Variants in NARS2 observed in about 807,000 individuals in gnomAD.
NARS2 encodes asparaginyl-tRNA synthetase.
A neutral mutation model predicts 62.9 loss-of-function variants in NARS2; 60 were observed. The ratio of observed to expected loss-of-function variants is 0.95; its 90% CI spans 0.77 to 1.18. NARS2 has a LOEUF of 1.18. Ranked by LOEUF, NARS2 falls within the 50% of genes most tolerant of loss-of-function variation. The pLI is 0.00. For synonymous variants in NARS2, 196 were observed against 200.0 expected, an observed-to-expected ratio of 0.98 and a Z score of 0.17; for missense variants, 619 against 576.4, an observed-to-expected ratio of 1.07 and a Z score of -0.76.
intron 9 of NARS2, among the ~76,000 whole-genome samples, chr11:78,473,252 T>C (rs1323218863): frequency 2.0e-5 from 3 of 152,240 alleles, no homozygotes; most frequent in African/African-American, 7.2e-5. Context: ...TCAACGTGCC[T>C]CTCCAGTTTT....
intron 10 of NARS2, among the ~76,000 whole-genome samples, chr11:78,466,612 C>G (rs1858634210): frequency 6.6e-6 from 1 of 152,060 alleles, no homozygotes; most frequent in South Asian, 2.1e-4. Context: ...TCCCAAGTAA[C>G]TGGGACTTCA....
At chr11:78,556,282 C>T (rs1017477156) in intron 5 of NARS2, among the ~76,000 whole-genome samples, 3 of 152,130 alleles carry the variant, frequency 2.0e-5, no homozygotes, top group Admixed American at 1.3e-4. Context: ...ACTGACCTAC[C>T]TCATTTTCCT....
intron 6 of NARS2, among the ~76,000 whole-genome samples, chr11:78,507,165 C>G (rs1026095661): frequency 7.6e-6 from 1 of 131,346 alleles, no homozygotes; most frequent in African/African-American, 2.8e-5. Context: ...CCCCACCCCC[C>G]ACCCTGCCCC....
At chr11:78,437,575 A>G (rs1054601801) in intron 13 of NARS2, among the ~76,000 whole-genome samples, 1 of 152,162 alleles carries the variant, frequency 6.6e-6, no homozygotes, top group Non-Finnish European at 1.5e-5. Context: ...AGATTCTAAC[A>G]CACCAGCACT....
intron 10 of NARS2, among the ~76,000 whole-genome samples, chr11:78,467,589 C>T (rs1380060225): frequency 6.6e-6 from 1 of 150,986 alleles, no homozygotes; most frequent in Non-Finnish European, 1.5e-5. Context: ...TAATTAAATA[C>T]AATAAAAAAT....
At position 78,443,691 on chromosome 11, in the gene NARS2, C is replaced by T. The variant is rs1288386526; in HGVS notation, c.1232G>A (p.Arg411Gln). Reference sequence around the variant, plus strand: ...TAAGCGCTCCTCTAAGAAATGGTATCGTTCTTCTCTGAGGCCTCCTCCAAA... The same window carrying T: ...TAAGCGCTCCTCTAAGAAATGGTATTGTTCTTCTCTGAGGCCTCCTCCAAA... ...ELFGGGLREE[R>Q]YHFLEERLAR... The change falls in exon 12 of 14, where the codon CGA (arginine) becomes CAA (glutamine). Residue 411 changes from arginine (R) to glutamine (Q), a missense_variant. Coordinates refer to ENST00000281038, the MANE Select transcript of NARS2 (RefSeq NM_024678.6). 11 of 1,613,218 alleles carry T rather than the reference C, an allele frequency of 6.8e-6. No individual in the cohort carries two copies. Among genetic ancestry groups the T allele is most frequent in the African/African-American group, 6.7e-5 (5 of 74,836 alleles).
chr11:78,541,068 AG>A (rs1353566262), intron 5 of NARS2, among the ~76,000 whole-genome samples: 1 of 152,144 alleles, frequency 6.6e-6, no homozygotes, highest in African/African-American at 2.4e-5. Context: ...CTCAGTCATG[AG>A]AATTGCTTGA....
intron 5 of NARS2, among the ~76,000 whole-genome samples, chr11:78,550,742 G>T (rs910425048): frequency 6.6e-6 from 1 of 152,142 alleles, no homozygotes; most frequent in African/African-American, 2.4e-5. Context: ...CTACCCAAGA[G>T]AAATTAAATC....
At chr11:78,452,688 C>T (rs1020273060) in intron 11 of NARS2, among the ~76,000 whole-genome samples, 4 of 152,138 alleles carry the variant, frequency 2.6e-5, no homozygotes, top group Non-Finnish European at 5.9e-5. Flanking sequence ...GGATGACAGG[C>T]ATGAGTCACC....
At chr11:78,487,445 A>C (rs1350096124) in intron 7 of NARS2, among the ~76,000 whole-genome samples, 1 of 152,060 alleles carries the variant, frequency 6.6e-6, no homozygotes, top group Non-Finnish European at 1.5e-5. Flanking sequence ...TAATAAGCAG[A>C]GCATCACAGC....
chr11:78,470,830 A>T (rs990140117), intron 9 of NARS2, among the ~76,000 whole-genome samples: 1 of 151,734 alleles, frequency 6.6e-6, no homozygotes, highest in Non-Finnish European at 1.5e-5. Flanking sequence ...AGTAACATGA[A>T]AGTGTCAGGT....
intron 7 of NARS2, among the ~76,000 whole-genome samples, chr11:78,486,188 T>C (rs565514386): frequency 1.3e-5 from 2 of 152,144 alleles, no homozygotes; most frequent in Non-Finnish European, 2.9e-5. Flanking sequence ...TATTTTTTTT[T>C]AAATATTTTC....
At position 78,568,528 on chromosome 11, in the gene NARS2, A is replaced by G. The variant is rs557649824; in HGVS notation, c.372+104T>C. ...GGCTTGTTTCAATTATCTGTCACAA[A>G]TGAAATATATTCTAAGTTTCATCTT... On this transcript the variant is annotated intron_variant, in intron 3 of 13. Coordinates refer to ENST00000281038, the MANE Select transcript of NARS2 (RefSeq NM_024678.6). The G allele has an allele frequency of 2.5e-5, 34 of 1,356,316 alleles. No homozygotes were observed. In the South Asian group the frequency reaches 4.5e-4, roughly 18 times the overall value. The allele number at this position is 1,356,316 out of a possible 1,614,324, so 84.0% of individuals were successfully genotyped here. A position where few individuals can be genotyped will look rare whatever the true frequency, so the allele number is the denominator to read the frequency against.
At chr11:78,449,757 C>T (rs2135159462) in intron 11 of NARS2, among the ~76,000 whole-genome samples, 1 of 152,268 alleles carries the variant, frequency 6.6e-6, no homozygotes, top group East Asian at 1.9e-4. Context: ...CTAGCCTCTA[C>T]CCACTATAGG....
At chr11:78,509,967 G>T in intron 6 of NARS2, among the ~76,000 whole-genome samples, 1 of 151,932 alleles carries the variant, frequency 6.6e-6, no homozygotes, top group East Asian at 1.9e-4. Context: ...TAACGACAAA[G>T]AAAATAGCTA....
At chr11:78,441,028 A>C in intron 13 of NARS2, 63 bp downstream of exon 13, 1 of 1,488,374 alleles carries the variant, frequency 6.7e-7, no homozygotes, top group Non-Finnish European at 9.3e-7. Context: ...ACAAGTAAAA[A>C]CGCTTCTAGG....
chr11:78,487,361 A>C (rs1476753861), intron 7 of NARS2, among the ~76,000 whole-genome samples: 2 of 151,682 alleles, frequency 1.3e-5, no homozygotes, highest in Non-Finnish European at 2.9e-5. Context: ...GTCTAAAAAA[A>C]AAAAAAAAAG....
chr11:78,499,122 T>C (rs368448329), intron 6 of NARS2, among the ~76,000 whole-genome samples: 31 of 152,024 alleles, frequency 2.0e-4, no homozygotes, highest in African/African-American at 7.2e-4. Flanking sequence ...TTCACGGTGT[T>C]AGCCAGGATG....
intron 10 of NARS2, 96 bp downstream of exon 10, chr11:78,469,151 A>T (rs1858757873): frequency 1.2e-6 from 1 of 827,592 alleles, no homozygotes; most frequent in Admixed American, 2.0e-5. Context: ...CTAATAAGAG[A>T]ATTAAGATGA....
Sources: allele counts gnomAD v4.1 joint callset (sites outside exome capture counted in the v4.1 genomes callset), GRCh38; gene constraint gnomAD v4.1.1; transcripts MANE v1.5; gene names NCBI Gene and HGNC (gene_info 2026-07-23, HGNC 2026-07-21).